HHLA1: variants seen among roughly 807,000 people sequenced by gnomAD.
HHLA1 encodes the protein HHLA1 neighbor of OC90.
A neutral mutation model predicts 69.9 loss-of-function variants in HHLA1; 72 were observed. The ratio of observed to expected loss-of-function variants is 1.03; its 90% confidence interval spans 0.85 to 1.25. The LOEUF (loss-of-function observed/expected upper bound fraction) is 1.25, where lower values mean the gene tolerates loss of function less well. HHLA1 is among the 50% of genes most tolerant of loss of function. The pLI is 0.00. For missense variants in HHLA1, 685 were observed against 642.2 expected (o/e 1.07, Z -0.72); for synonymous variants, 252 against 233.2 (o/e 1.08, Z -0.73).
At chr8:132,097,367 A>G (rs932047060) in intron 5 of HHLA1, among the ~76,000 whole-genome samples, 1 of 152,202 alleles carries the variant, frequency 6.6e-6, no homozygotes, top group East Asian at 1.9e-4. Flanking sequence ...AAGTTTGGGA[A>G]ACTTTGGGCT....
chr8:132,076,726 T>C (rs908531663), intron 12 of HHLA1, among the ~76,000 whole-genome samples, 183 bp from the exon 13 acceptor site: 1 of 152,018 alleles, frequency 6.6e-6, no homozygotes, highest in Admixed American at 6.6e-5. Flanking sequence ...AAAAAGGAAA[T>C]GGGAAAATCC....
In HHLA1 at chr8:132,098,981, T is replaced by C. The variant is rs1274956420; in HGVS notation, c.200-19A>G. The C allele has an allele frequency of 8.6e-6, 13 of 1,505,090 alleles. No homozygotes were observed. Among genetic ancestry groups the C allele is most frequent in the Non-Finnish European group, 2.7e-6 (3 of 1,113,880 alleles). 93.2% of individuals were successfully genotyped at this position (1,505,090 alleles called of 1,614,324 possible). A position where few individuals can be genotyped will look rare whatever the true frequency, so the allele number is the denominator to read the frequency against. ...GGCAGCTCTGAAAGAGATTCAGAGATAATGTCACTGGCAGGCTTTTCTCGG... is the reference window on the plus strand; with the variant it reads ...GGCAGCTCTGAAAGAGATTCAGAGACAATGTCACTGGCAGGCTTTTCTCGG... On this transcript the variant is annotated intron_variant, in intron 4 of 16. Transcript: ENST00000414222.
At chr8:132,082,634 C>A (rs538058008) in intron 10 of HHLA1, among the ~76,000 whole-genome samples, 2 of 152,110 alleles carry the variant, frequency 1.3e-5, no homozygotes, top group South Asian at 4.2e-4. Flanking sequence ...ATTTGCTGAG[C>A]CTAATGGGTG....
intron 1 of HHLA1, among the ~76,000 whole-genome samples, chr8:132,107,552 A>T (rs71526237): frequency 0.024 from 3,693 of 152,228 alleles, 79 homozygotes; most frequent in South Asian, 0.062. Context: ...TACCTGCCTC[A>T]GCCTCCCAAA....
rs1440462285 is a variant in HHLA1, at chr8:132,098,947, G to T, written c.215C>A (p.Ser72Ter). 6.5e-7 allele frequency: 1 copy of T among 1,550,138 alleles called. No homozygotes were observed. The change falls in exon 5 of 17, where the codon TCA becomes TAA. Residue 72 changes from serine (S) to a stop codon, truncating the protein, a stop_gained. Coordinates refer to ENST00000414222, the MANE Select transcript of HHLA1 (RefSeq NM_001145095.3). LOFTEE classifies it high-confidence loss of function. ...CAGGTTAAGCGCGGACAGATCGATT[G>T]ACCTTGCGGGCAGCTCTGAAAGAGA... The part of the protein sequence containing the change: ...FLATTELPAR[S>*]IDLSALNLTE...
At chr8:132,099,750 A>T (rs1017560669) in intron 4 of HHLA1, among the ~76,000 whole-genome samples, 19 of 152,100 alleles carry the variant, frequency 1.2e-4, no homozygotes, top group African/African-American at 4.3e-4. Flanking sequence ...GCTACTTGGG[A>T]GGCTGAGGCA....
At chr8:132,080,993 T>C (rs906688191) in intron 10 of HHLA1, 74 of 152,200 alleles carry the variant, frequency 4.9e-4, no homozygotes, top group African/African-American at 1.7e-3. Flanking sequence ...GAAAAACAGG[T>C]ATAAAAGGAC....
chr8:132,084,219 G>A (rs1353493488), intron 10 of HHLA1, among the ~76,000 whole-genome samples: 2 of 152,118 alleles, frequency 1.3e-5, no homozygotes, highest in African/African-American at 2.4e-5. Context: ...AGGAGGGGAG[G>A]TGATAAAAAG....
At chr8:132,066,915 T>C (rs1310161560) in intron 15 of HHLA1, among the ~76,000 whole-genome samples, 1 of 152,182 alleles carries the variant, frequency 6.6e-6, no homozygotes, top group Non-Finnish European at 1.5e-5. Flanking sequence ...TGGTAGGCAA[T>C]AAGATCAGTA....
chr8:132,093,035 G>T (rs535788167), intron 7 of HHLA1, among the ~76,000 whole-genome samples: 5 of 152,300 alleles, frequency 3.3e-5, no homozygotes, highest in South Asian at 2.1e-4. Context: ...GGAGTCATTT[G>T]TTATAGTAGC....
At chr8:132,080,316 C>A (rs956994811) in intron 10 of HHLA1, 1 of 361,784 alleles carries the variant, frequency 2.8e-6, no homozygotes, top group Non-Finnish European at 5.4e-6. Flanking sequence ...TGGGTGCAGG[C>A]GGGCTGAGTC....
In HHLA1 at chr8:132,100,135, C is replaced by G. The variant is rs1824089657; in HGVS notation, c.140-1G>C. 6.5e-7 allele frequency: 1 copy of G among 1,549,278 alleles called. No homozygotes were observed. Among genetic ancestry groups the G allele is most frequent in the Non-Finnish European group, 8.7e-7 (1 of 1,144,976 alleles). On this transcript the variant is annotated splice_acceptor_variant, in intron 3 of 16. Transcript: ENST00000414222. LOFTEE classifies it high-confidence loss of function. Reference sequence around the variant, plus strand: ...CTCTCTTCTTCTCTAAGGCCAGACACTGGGAAGGAGACAGTTTTCATGAGA... The same window carrying G: ...CTCTCTTCTTCTCTAAGGCCAGACAGTGGGAAGGAGACAGTTTTCATGAGA...
chr8:132,107,766 C>T (rs1385495447), intron 1 of HHLA1, among the ~76,000 whole-genome samples: 1 of 152,176 alleles, frequency 6.6e-6, no homozygotes, highest in African/African-American at 2.4e-5. Flanking sequence ...ACACAGGACA[C>T]CATTTGAATT....
At chr8:132,081,065 C>T (rs1242762801) in intron 10 of HHLA1, 6 of 152,112 alleles carry the variant, frequency 3.9e-5, no homozygotes, top group Non-Finnish European at 8.8e-5. Context: ...CAGCATAGTC[C>T]TGCCAGCAAA....
chr8:132,093,919 T>C (rs1202832569), intron 7 of HHLA1, among the ~76,000 whole-genome samples: 1 of 152,216 alleles, frequency 6.6e-6, no homozygotes, highest in African/African-American at 2.4e-5. Context: ...GCACTCATTG[T>C]AGCATCTCGC....
chr8:132,078,076 T>A, intron 11 of HHLA1, 105 bp from the exon 12 acceptor site: 1 of 1,237,364 alleles, frequency 8.1e-7, no homozygotes, highest in Non-Finnish European at 1.1e-6. Flanking sequence ...GCAAATGCAA[T>A]GTGAACGTGT....
chr8:132,072,419 A>C (rs1306404543), intron 14 of HHLA1, among the ~76,000 whole-genome samples: 1 of 151,096 alleles, frequency 6.6e-6, no homozygotes, highest in Non-Finnish European at 1.5e-5. Flanking sequence ...AACAATAAAT[A>C]ATAGCAATTA....
At chr8:132,094,646 C>T (rs1404371779) in intron 7 of HHLA1, among the ~76,000 whole-genome samples, 1 of 152,200 alleles carries the variant, frequency 6.6e-6, no homozygotes, top group African/African-American at 2.4e-5. Context: ...AGCAATATCC[C>T]CCACTGTGAC....
At chr8:132,107,736 T>C (rs1022932705) in intron 1 of HHLA1, among the ~76,000 whole-genome samples, 1 of 152,262 alleles carries the variant, frequency 6.6e-6, no homozygotes, top group Non-Finnish European at 1.5e-5. Flanking sequence ...ATTAAGGTTG[T>C]TAGATTTAAC....
Sources: gnomAD v4.1 joint callset for allele counts (sites outside exome capture counted in the v4.1 genomes callset) on GRCh38, gnomAD v4.1.1 for gene constraint, MANE v1.5 for transcripts, NCBI Gene and HGNC (gene_info 2026-07-23, HGNC 2026-07-21) for gene names.